The following GSN variants were observed in gnomAD, a reference collection of about 807,000 sequenced individuals.
GSN encodes gelsolin.
Under a neutral mutation model 85.7 loss-of-function variants are expected in GSN, and 56 were observed. That is an observed-to-expected ratio of 0.65 (90% CI 0.53 to 0.82). GSN has a LOEUF of 0.82. Ranked by LOEUF, GSN falls within the 40% of genes least tolerant of loss-of-function variation. GSN has a pLI of 0.00. For missense variants in GSN, 857 were observed against 979.8 expected, an observed-to-expected ratio of 0.87 and a Z score of 1.67; for synonymous variants, 373 against 399.1, an observed-to-expected ratio of 0.93 and a Z score of 0.78.
intron 14 of GSN, among the ~76,000 whole-genome samples, chr9:121,328,218 T>G (rs562723443): frequency 6.6e-6 from 1 of 152,334 alleles, no homozygotes; most frequent in East Asian, 1.9e-4. Context: ...TTTATACTGT[T>G]ACTTTGAGTT....
Position 121,326,499 on chromosome 9 carries a change from G to A in GSN, c.1417-13G>A. ...CCCAAGGTCCCTGACTTGCTCTCCT[G>A]TCTCCCTGCCAGAGCCGTGTGGTCC... On this transcript the variant is annotated splice_polypyrimidine_tract_variant and intron_variant, in intron 12 of 17. Coordinates refer to ENST00000432226, the MANE Select transcript of GSN (RefSeq NM_198252.3). The A allele has an allele frequency of 6.2e-7, 1 of 1,612,904 alleles. No homozygotes were observed. The highest frequency in any genetic ancestry group is 8.5e-7 in the Non-Finnish European group (1 of 1,179,552).
chr9:121,269,948 AGGACAGAGCT>A (rs1160536552), intron 1 of GSN, among the ~76,000 whole-genome samples: 1 of 152,200 alleles, frequency 6.6e-6, no homozygotes, highest in African/African-American at 2.4e-5. Flanking sequence ...GCCTTGGAAG[AGGACAGAGCT>A]CTCTGTCCTC....
In GSN at chr9:121,245,478, C is replaced by T. The variant is rs933929139; in HGVS notation, c.-388-2798C>T. 7.9e-5 allele frequency among the ~76,000 whole-genome samples: 12 copies of T among 152,034 alleles called. 1 individual carries two copies. ...CTCAAGCAATCCTCATGCCTCAGCC[C>T]CTCTAGTAGCTGGAACTACAGGTGT... On this transcript the variant is annotated intron_variant, in intron 5 of 24. Coordinates refer to the GSN transcript ENST00000373823.
chr9:121,324,940 G>A (rs1227240698), intron 12 of GSN, among the ~76,000 whole-genome samples: 1 of 152,216 alleles, frequency 6.6e-6, no homozygotes, highest in Admixed American at 6.5e-5. Context: ...CAATGGCTAT[G>A]ACAGATGCAG....
At chr9:121,241,813 T>C (rs1038877210) in intron 5 of GSN, among the ~76,000 whole-genome samples, 6 of 152,218 alleles carry the variant, frequency 3.9e-5, no homozygotes, top group African/African-American at 1.4e-4. Flanking sequence ...ATGCAAGCTG[T>C]TTGCTGCTCA....
At chr9:121,238,931 C>A (rs190681542) in intron 5 of GSN, 1 of 536,942 alleles carries the variant, frequency 1.9e-6, no homozygotes, top group Non-Finnish European at 3.8e-6. Context: ...ATCCCTTCTC[C>A]AATAGCAGAC....
At chr9:121,300,583 G>C (rs1407410816) in intron 2 of GSN, among the ~76,000 whole-genome samples, 1 of 151,884 alleles carries the variant, frequency 6.6e-6, no homozygotes. Context: ...TCTCTTCTCC[G>C]GCCAGAGGTG....
In GSN at chr9:121,310,772, T is replaced by C. The variant is rs2061027102; in HGVS notation, c.440T>C (p.Val147Ala). 7 of 1,614,056 alleles carry C rather than the reference T, an allele frequency of 4.3e-6. 1 individual carries two copies. In the East Asian group the frequency reaches 1.6e-4, roughly 36 times the overall value. ...RLFQVKGRRV[V>A]RATEVPVSWE... ...TTCCAGGTCAAAGGGCGGCGTGTGGTCCGTGCCACCGAGGTACCTGTGTCC... is the reference window on the plus strand; with the variant it reads ...TTCCAGGTCAAAGGGCGGCGTGTGGCCCGTGCCACCGAGGTACCTGTGTCC... The change falls in exon 5 of 18, where the codon GTC becomes GCC. Residue 147 changes from valine (V) to alanine (A), a missense_variant. Physicochemically the swap from Val to Ala is moderately conservative, Grantham distance 64. Transcript: ENST00000432226.
At chr9:121,296,173 C>T (rs1421485977) in intron 2 of GSN, among the ~76,000 whole-genome samples, 1 of 152,266 alleles carries the variant, frequency 6.6e-6, no homozygotes, top group Non-Finnish European at 1.5e-5. Flanking sequence ...ACTGCTGCTC[C>T]CTGCCCAGGT....
At position 121,299,783 on chromosome 9, in the gene GSN, CG is replaced by C; in HGVS notation, c.-9-2177del. ...CCTGGGGGGCGGTCCCCGGCTTGGG[CG>C]GGATGGGCGGGCGGCTACTTAAGGT... On this transcript the variant is annotated intron_variant, in intron 2 of 17. Transcript: ENST00000432226. This position sits in a 1 kb window ranked among gnomAD's most constrained non-coding sequence, Gnocchi z 4.2. 8.1e-7 allele frequency: 1 copy of C among 1,227,500 alleles called. No homozygotes were observed. Among genetic ancestry groups the C allele is most frequent in the Non-Finnish European group, 1.0e-6 (1 of 976,946 alleles). The allele number at this position is 1,227,500 out of a possible 1,614,324, so 76.0% of individuals were successfully genotyped here.
intron 6 of GSN, among the ~76,000 whole-genome samples, chr9:121,252,180 G>T (rs2054853310): frequency 6.6e-6 from 1 of 152,146 alleles, no homozygotes; most frequent in South Asian, 2.1e-4. Flanking sequence ...TTACCCCAGG[G>T]ATAAGAAATG....
At position 121,300,244 on chromosome 9, in the gene GSN, GTCC is replaced by G. The variant is rs2059684923; in HGVS notation, c.-9-1713_-9-1711del. The G allele has an allele frequency of 6.8e-6, 5 of 732,632 alleles. No homozygotes were observed. The Admixed American group carries it at 7.4e-5, about 11-fold the overall frequency. The allele number at this position is 732,632 out of a possible 1,614,324, so 45.4% of individuals were successfully genotyped here. ...ACCTTGGCCGGATTTCTTTTCCCCT[GTCC>G]TCCTCTAACATCTTACCTCCTGTCT... On this transcript the variant is annotated intron_variant, in intron 2 of 17. Transcript: ENST00000432226.
At chr9:121,288,025 C>T (rs757251110) in intron 2 of GSN, among the ~76,000 whole-genome samples, 1 of 152,192 alleles carries the variant, frequency 6.6e-6, no homozygotes, top group Non-Finnish European at 1.5e-5. Flanking sequence ...TTCCTGGGCT[C>T]AAGCGATCCT....
At chr9:121,324,495 A>G in intron 11 of GSN, 59 bp from the exon 12 acceptor site, 1 of 859,002 alleles carries the variant, frequency 1.2e-6, no homozygotes, top group African/African-American at 1.7e-5. Flanking sequence ...GACTCAGGGC[A>G]AGGGAGAGGC....
At chr9:121,324,020 A>G (rs1415157747) in intron 11 of GSN, among the ~76,000 whole-genome samples, 2 of 152,224 alleles carry the variant, frequency 1.3e-5, no homozygotes, top group Non-Finnish European at 2.9e-5. Flanking sequence ...CTTAGACAAT[A>G]TGCAAAGAGG....
intron 11 of GSN, among the ~76,000 whole-genome samples, chr9:121,322,222 G>A (rs1222551005): frequency 6.6e-6 from 1 of 151,280 alleles, no homozygotes; most frequent in Admixed American, 6.6e-5. Flanking sequence ...AACTCTTCGT[G>A]AAAAAAAATA....
At chr9:121,328,371 G>A (rs1279979625) in intron 14 of GSN, among the ~76,000 whole-genome samples, 2 of 152,222 alleles carry the variant, frequency 1.3e-5, no homozygotes, top group African/African-American at 4.8e-5. Context: ...ACATGTGGCT[G>A]TTGAGCACTT....
intron 4 of GSN, among the ~76,000 whole-genome samples, chr9:121,226,531 T>A (rs1398525928): frequency 6.6e-6 from 1 of 152,076 alleles, no homozygotes; most frequent in African/African-American, 2.4e-5. Flanking sequence ...CCTGGTAAGG[T>A]CTGAACAAGA....
intron 5 of GSN, among the ~76,000 whole-genome samples, chr9:121,237,044 CAT>C (rs1290671073): frequency 6.6e-6 from 1 of 152,150 alleles, no homozygotes; most frequent in African/African-American, 2.4e-5. Context: ...TGATTTTAGT[CAT>C]GTGATTCTTC....
Sources: allele counts gnomAD v4.1 joint callset (sites outside exome capture counted in the v4.1 genomes callset), GRCh38; gene constraint gnomAD v4.1.1; non-coding constraint Gnocchi (gnomAD v3.1); transcripts MANE v1.5; gene names NCBI Gene and HGNC (gene_info 2026-07-23, HGNC 2026-07-21).